The following ZSCAN2 variants were observed in gnomAD, a reference collection of about 807,000 sequenced individuals.
ZSCAN2 encodes the protein zinc finger and SCAN domain containing 2.
A neutral mutation model predicts 47.8 loss-of-function variants in ZSCAN2; 26 were observed. That is an observed-to-expected ratio of 0.54 (90% CI 0.40 to 0.75). The LOEUF is 0.75. Among genes scored for constraint, ZSCAN2 ranks in the 30% least tolerant of loss-of-function variants. ZSCAN2 has a pLI of 0.00. For missense variants in ZSCAN2, 732 were observed against 785.4 expected, an observed-to-expected ratio of 0.93 and a Z score of 0.81; for synonymous variants, 305 against 288.7, an observed-to-expected ratio of 1.06 and a Z score of -0.57.
intron 2 of ZSCAN2, chr15:84,616,277 G>A (rs745578958): frequency 9.7e-6 from 10 of 1,028,228 alleles, no homozygotes; most frequent in South Asian, 3.8e-5. Context: ...AATGTGCGTG[G>A]GTCAAAGGCT....
At chr15:84,608,383 A>T (rs1027759163) in intron 2 of ZSCAN2, among the ~76,000 whole-genome samples, 1 of 151,978 alleles carries the variant, frequency 6.6e-6, no homozygotes, top group Admixed American at 6.6e-5. Context: ...TACAAAAAAA[A>T]TCAGCCAGGC....
rs1023637798 is a variant in ZSCAN2 at position 84,616,737 on chromosome 15, T to G, written c.407-3865T>G. On this transcript the variant is annotated intron_variant, in intron 2 of 2. Coordinates refer to ENST00000546148, the MANE Select transcript of ZSCAN2 (RefSeq NM_181877.4). ...TCACCCAAAAAAATGTTTTTGGTCATGTTAGTTTGCTAAAAATTAATCAGG... is the reference window on the plus strand; with the variant it reads ...TCACCCAAAAAAATGTTTTTGGTCAGGTTAGTTTGCTAAAAATTAATCAGG... The G allele has an allele frequency of 4.7e-5, 46 of 982,696 alleles. No individual in the cohort carries two copies. In the African/African-American group the frequency reaches 8.0e-4, roughly 17 times the overall value. 60.9% of individuals were successfully genotyped at this position (982,696 alleles called of 1,614,324 possible).
chr15:84,614,482 T>C (rs559165196), intron 2 of ZSCAN2: 2 of 152,342 alleles, frequency 1.3e-5, no homozygotes, highest in Admixed American at 6.5e-5. Context: ...AGCTCTTTAA[T>C]CACCCCAGTT....
chr15:84,604,134 G>T lies in ZSCAN2; in HGVS notation c.207G>T (p.Val69=). The T allele has an allele frequency of 6.2e-7, 1 of 1,613,848 alleles. No homozygotes were observed. Among genetic ancestry groups the T allele is most frequent in the South Asian group, 1.1e-5 (1 of 91,044 alleles). ...GCAAGGGCGGCCCCCAGGAGGAGGT[G>T]ACCAGGGGACCACAGGGTGCACTCG... is the stretch of plus-strand genomic sequence containing the variant. ...SAGKGGPQEE[V]TRGPQGALGR... The change falls in exon 2 of 3, where the codon GTG becomes GTT. Residue 69 remains valine, a synonymous_variant. Coordinates refer to ENST00000546148, the MANE Select transcript of ZSCAN2 (RefSeq NM_181877.4).
intron 2 of ZSCAN2, among the ~76,000 whole-genome samples, chr15:84,612,462 C>CGGTA (rs1895576405): frequency 6.6e-6 from 1 of 152,146 alleles, no homozygotes. Flanking sequence ...AGGCCAGGAG[C>CGGTA]GGTAGCTCAT....
At chr15:84,619,946 T>C (rs75417378) in intron 2 of ZSCAN2, among the ~76,000 whole-genome samples, 9 of 148,130 alleles carry the variant, frequency 6.1e-5, no homozygotes, top group African/African-American at 7.6e-5. Flanking sequence ...TTTTTTTTTT[T>C]CCATCAGCTT....
Position 84,622,128 on chromosome 15 carries a change from T to A in ZSCAN2, c.*88T>A. 1 of 1,200,826 alleles carries A rather than the reference T, an allele frequency of 8.3e-7. No individual in the cohort carries two copies. The highest frequency in any genetic ancestry group is 1.2e-6 in the Non-Finnish European group (1 of 847,568). 74.4% of individuals were successfully genotyped at this position (1,200,826 alleles called of 1,614,324 possible). On this transcript the variant is annotated 3_prime_UTR_variant, in exon 3 of 3. Transcript: ENST00000546148. The stretch of plus-strand genomic sequence containing the variant: ...TGATTCCCTTTCAAAGAGCTGTGCT[T>A]CCTAAACATTCTGGGGGGTTTTGCC...
rs1488179317 is a variant in ZSCAN2 at position 84,602,385 on chromosome 15, A to C, written c.-109+1250A>C. 2.0e-5 allele frequency: 3 copies of C among 152,254 alleles called. No homozygotes were observed. The East Asian group carries it at 5.8e-4, about 29-fold the overall frequency. The allele number at this position is 152,254 out of a possible 1,614,324, so 9.4% of individuals were successfully genotyped here. A position where few individuals can be genotyped will look rare whatever the true frequency, so the allele number is the denominator to read the frequency against. On this transcript the variant is annotated intron_variant, in intron 1 of 2. Coordinates refer to ENST00000546148, the MANE Select transcript of ZSCAN2 (RefSeq NM_181877.4). Reference sequence around the variant, plus strand: ...ATTAATGATTAATCTTTGTCAATATAATTTTTAAAATATTAAAAACATACA... The same window carrying C: ...ATTAATGATTAATCTTTGTCAATATCATTTTTAAAATATTAAAAACATACA...
chr15:84,606,898 GTCCCTGCGTTTGTCTTCA>G (rs1468258510), intron 2 of ZSCAN2: 1 of 1,101,684 alleles, frequency 9.1e-7, no homozygotes, highest in African/African-American at 1.7e-5. Context: ...GCTCACAGGA[GTCCCTGCGTTTGTCTTCA>G]TCCCTTCTCA....
At chr15:84,613,160 C>G (rs1268613383) in intron 2 of ZSCAN2, among the ~76,000 whole-genome samples, 1 of 152,148 alleles carries the variant, frequency 6.6e-6, no homozygotes, top group African/African-American at 2.4e-5. Flanking sequence ...TTTTCATAGT[C>G]ATTATACAGA....
In ZSCAN2 at chr15:84,621,265, C is replaced by G. The variant is rs748084044; in HGVS notation, c.1070C>G (p.Thr357Ser). Reference protein sequence around the residue: ...SSLNTHQGIHTGEKPYECKEC... With the variant: ...SSLNTHQGIHSGEKPYECKEC... ...CTTAACACGCATCAGGGGATCCACA[C>G]TGGAGAAAAGCCCTACGAATGTAAA... The change falls in exon 3 of 3, where the codon ACT becomes AGT. Residue 357 changes from threonine (T) to serine (S), a missense_variant. By Grantham distance (58) the Thr-to-Ser change is moderately conservative. This residue lies in a region of ZSCAN2 where 412 missense variants were observed against 498.0 expected (regional missense o/e 0.83). Coordinates refer to ENST00000546148, the MANE Select transcript of ZSCAN2 (RefSeq NM_181877.4). This position sits in a 1 kb window ranked among gnomAD's most constrained non-coding sequence, Gnocchi z 5.7. The G allele has an allele frequency of 3.7e-6, 6 of 1,613,668 alleles. No individual in the cohort carries two copies. Among genetic ancestry groups the G allele is most frequent in the South Asian group, 3.3e-5 (3 of 91,074 alleles).
At chr15:84,608,630 A>G (rs1287854992) in intron 2 of ZSCAN2, among the ~76,000 whole-genome samples, 1 of 151,978 alleles carries the variant, frequency 6.6e-6, no homozygotes, top group East Asian at 1.9e-4. Flanking sequence ...AGACCTCTGT[A>G]GACCTCTGGT....
intron 2 of ZSCAN2, among the ~76,000 whole-genome samples, chr15:84,612,513 T>C (rs1167701823): frequency 6.6e-6 from 1 of 152,100 alleles, no homozygotes; most frequent in Non-Finnish European, 1.5e-5. Context: ...GGCAGGTGGA[T>C]CACGAGGTCA....
At chr15:84,608,369 A>T (rs543407734) in intron 2 of ZSCAN2, among the ~76,000 whole-genome samples, 33 of 152,020 alleles carry the variant, frequency 2.2e-4, no homozygotes, top group African/African-American at 7.5e-4. Flanking sequence ...GTCTCTGCTA[A>T]AAATACAAAA....
At chr15:84,601,769 C>T (rs377606182) in intron 1 of ZSCAN2, among the ~76,000 whole-genome samples, 3 of 152,002 alleles carry the variant, frequency 2.0e-5, no homozygotes, top group African/African-American at 4.8e-5. Flanking sequence ...TGGTCATGAA[C>T]TCCCGGCCTC....
At chr15:84,607,545 G>A (rs928938084) in intron 2 of ZSCAN2, among the ~76,000 whole-genome samples, 6 of 151,616 alleles carry the variant, frequency 4.0e-5, no homozygotes, top group African/African-American at 7.3e-5. Flanking sequence ...GTCTTTCTAC[G>A]TTCCCCAGGC....
intron 2 of ZSCAN2, among the ~76,000 whole-genome samples, chr15:84,619,430 A>C (rs1596037349): frequency 8.2e-6 from 1 of 121,562 alleles, no homozygotes; most frequent in Non-Finnish European, 1.8e-5. Context: ...ACTCCGTCTC[A>C]AAAAAAAAAA....
chr15:84,607,548 C>G (rs1895419722), intron 2 of ZSCAN2, among the ~76,000 whole-genome samples: 1 of 151,696 alleles, frequency 6.6e-6, no homozygotes, highest in South Asian at 2.1e-4. Context: ...TTTCTACGTT[C>G]CCCAGGCTGG....
chr15:84,606,257 G>A, intron 2 of ZSCAN2: 1 of 411,060 alleles, frequency 2.4e-6, no homozygotes, highest in Non-Finnish European at 4.5e-6. Flanking sequence ...GGTCTGCAGT[G>A]ACCCAGCCCT....
Sources: gnomAD v4.1 joint callset for allele counts (sites outside exome capture counted in the v4.1 genomes callset) on GRCh38, gnomAD v4.1.1 for gene constraint, gnomAD v4.1.1 regional missense constraint, Gnocchi (gnomAD v3.1) non-coding constraint, MANE v1.5 for transcripts, NCBI Gene and HGNC (gene_info 2026-07-23, HGNC 2026-07-21) for gene names.